ATP6V0E1: variants seen among roughly 807,000 people sequenced by gnomAD.
ATP6V0E1 encodes the protein V-type proton ATPase subunit e 1.
Under a neutral mutation model 11.6 loss-of-function variants are expected in ATP6V0E1, and 4 were observed. The observed-to-expected ratio is 0.35, with a 90% confidence interval of 0.17 to 0.79. The LOEUF is 0.79. Ranked by LOEUF, ATP6V0E1 falls within the 30% of genes least tolerant of loss-of-function variation. The pLI, the probability that ATP6V0E1 is intolerant of heterozygous loss-of-function variation, is 0.54. For missense variants in ATP6V0E1, 105 were observed against 100.0 expected, an observed-to-expected ratio of 1.05 and a Z score of -0.21; for synonymous variants, 36 against 34.8, an observed-to-expected ratio of 1.04 and a Z score of -0.13.
intron 1 of ATP6V0E1, among the ~76,000 whole-genome samples, chr5:172,990,553 G>A (rs550909425): frequency 3.3e-5 from 5 of 152,090 alleles, no homozygotes; most frequent in African/African-American, 1.2e-4. Context: ...GGCTAGCCGG[G>A]CATGGTGGCT....
intron 2 of ATP6V0E1, among the ~76,000 whole-genome samples, chr5:173,013,535 A>G (rs1203171798): frequency 6.8e-6 from 1 of 147,394 alleles, no homozygotes; most frequent in Non-Finnish European, 1.5e-5. Flanking sequence ...AGATTGCGCC[A>G]CTGCACTCCA....
At chr5:173,001,071 A>G (rs1756143994) in intron 2 of ATP6V0E1, among the ~76,000 whole-genome samples, 1 of 152,218 alleles carries the variant, frequency 6.6e-6, no homozygotes, top group African/African-American at 2.4e-5. Flanking sequence ...GTTTCCTTAC[A>G]GGGCTGGTAT....
chr5:173,011,765 G>A (rs957253673), intron 2 of ATP6V0E1, among the ~76,000 whole-genome samples: 2 of 152,058 alleles, frequency 1.3e-5, no homozygotes, highest in East Asian at 1.9e-4. Flanking sequence ...GAAGACATGC[G>A]GTACAGTTCG....
chr5:173,002,944 G>C (rs1409179041), intron 2 of ATP6V0E1, among the ~76,000 whole-genome samples: 1 of 151,832 alleles, frequency 6.6e-6, no homozygotes, highest in Admixed American at 6.6e-5. Flanking sequence ...CCAGCTACTT[G>C]GGAGGCTAAA....
intron 3 of ATP6V0E1, chr5:173,020,748 C>T (rs200759323): frequency 3.5e-4 from 183 of 519,308 alleles, no homozygotes; most frequent in African/African-American, 1.2e-3. Context: ...GTCAGCCATC[C>T]GGACAGAACC....
intron 2 of ATP6V0E1, among the ~76,000 whole-genome samples, chr5:172,998,699 C>A (rs141970561): frequency 6.6e-6 from 1 of 151,988 alleles, no homozygotes; most frequent in East Asian, 1.9e-4. Flanking sequence ...ATCAGCCTAT[C>A]CTACTGAATC....
chr5:172,990,250 T>A (rs1755960004), intron 1 of ATP6V0E1, among the ~76,000 whole-genome samples: 1 of 152,202 alleles, frequency 6.6e-6, no homozygotes, highest in Non-Finnish European at 1.5e-5. Context: ...GCTCTTTATT[T>A]TTGCAACTGA....
rs1414322649 is a variant in ATP6V0E1 at position 173,033,265 on chromosome 5, G to T, written c.*37-1134G>T. On this transcript the variant is annotated intron_variant, in intron 3 of 3. Transcript: ENST00000519374. The stretch of plus-strand genomic sequence containing the variant: ...TACTGGTGTGTGTCATCGTGCTGTA[G>T]AGAGTCTCGCTATGTTGCCCAGGCT... Among the ~76,000 whole-genome samples, 4 of 152,066 alleles carry T rather than the reference G, an allele frequency of 2.6e-5. No individual in the cohort carries two copies. The South Asian group carries it at 8.3e-4, about 31-fold the overall frequency.
intron 2 of ATP6V0E1, among the ~76,000 whole-genome samples, chr5:173,014,643 C>T (rs923949851): frequency 2.0e-5 from 3 of 152,104 alleles, no homozygotes; most frequent in Non-Finnish European, 4.4e-5. Flanking sequence ...ATCACATGTT[C>T]TCACTTATAT....
At chr5:173,016,123 A>G (rs998992081) in intron 2 of ATP6V0E1, among the ~76,000 whole-genome samples, 4 of 152,172 alleles carry the variant, frequency 2.6e-5, no homozygotes, top group Admixed American at 2.0e-4. Context: ...AGCCTCCCCG[A>G]TTTATAGCCA....
At chr5:172,986,768 T>A in intron 1 of ATP6V0E1, 1 of 429,652 alleles carries the variant, frequency 2.3e-6, no homozygotes, top group Admixed American at 2.6e-5. Flanking sequence ...AAGGTTGGTT[T>A]TTTGTTGTTT....
intron 2 of ATP6V0E1, among the ~76,000 whole-genome samples, chr5:173,009,516 G>C (rs76084340): frequency 0.18 from 26,316 of 145,132 alleles, 3,760 homozygotes; most frequent in East Asian, 0.73. Flanking sequence ...GGTGGCTGGA[G>C]TGCAGTGGTG....
At chr5:173,010,444 T>C (rs924735615) in intron 2 of ATP6V0E1, among the ~76,000 whole-genome samples, 2 of 152,194 alleles carry the variant, frequency 1.3e-5, no homozygotes, top group African/African-American at 4.8e-5. Flanking sequence ...CAAGGATTAT[T>C]ATCACCATTT....
At chr5:173,030,988 A>G (rs1441329752) in intron 3 of ATP6V0E1, among the ~76,000 whole-genome samples, 1 of 151,268 alleles carries the variant, frequency 6.6e-6, no homozygotes, top group Non-Finnish European at 1.5e-5. Context: ...TCTGTCGCCC[A>G]GACTGGAGTG....
At chr5:173,019,592 T>G (rs538017540) in intron 2 of ATP6V0E1, among the ~76,000 whole-genome samples, 25 of 152,212 alleles carry the variant, frequency 1.6e-4, no homozygotes, top group Non-Finnish European at 2.9e-4. Context: ...TGACACCATT[T>G]TACTTCCTTT....
chr5:173,015,407 T>C (rs1459714961), intron 2 of ATP6V0E1, among the ~76,000 whole-genome samples: 1 of 152,234 alleles, frequency 6.6e-6, no homozygotes, highest in East Asian at 1.9e-4. Flanking sequence ...GACTGATGAT[T>C]GGCAGCCCCT....
chr5:172,999,688 A>G (rs1413368406), intron 2 of ATP6V0E1, among the ~76,000 whole-genome samples: 1 of 152,188 alleles, frequency 6.6e-6, no homozygotes, highest in Non-Finnish European at 1.5e-5. Flanking sequence ...CTTGCTGTCT[A>G]GACATTAGTC....
At chr5:173,001,175 A>G (rs1172178832) in intron 2 of ATP6V0E1, among the ~76,000 whole-genome samples, 2 of 152,184 alleles carry the variant, frequency 1.3e-5, no homozygotes, top group African/African-American at 4.8e-5. Context: ...TACTAAAAAT[A>G]CAGAATTAGC....
intron 3 of ATP6V0E1, among the ~76,000 whole-genome samples, chr5:173,027,820 TAGTG>T (rs2113614865): frequency 6.6e-6 from 1 of 152,232 alleles, no homozygotes; most frequent in East Asian, 1.9e-4. Flanking sequence ...ATTTCAACTG[TAGTG>T]AGTGTTAGGT....
Sources: gnomAD v4.1 joint callset for allele counts (sites outside exome capture counted in the v4.1 genomes callset) on GRCh38, gnomAD v4.1.1 for gene constraint, MANE v1.5 for transcripts, NCBI Gene and HGNC (gene_info 2026-07-23, HGNC 2026-07-21) for gene names.